Variants in SEMA4C observed in about 807,000 individuals in gnomAD.
SEMA4C encodes semaphorin-4C.
In SEMA4C, 19 loss-of-function variants were observed where a neutral mutation model predicts 89.0. The ratio of observed to expected loss-of-function variants is 0.21; its 90% CI spans 0.15 to 0.31. The LOEUF is 0.31. Ranked by LOEUF, SEMA4C falls within the 10% of genes least tolerant of loss-of-function variation. The pLI is 1.00. For missense variants in SEMA4C, 811 were observed against 1,107.0 expected (o/e 0.73, Z 3.79); for synonymous variants, 428 against 472.7 (o/e 0.91, Z 1.23).
In SEMA4C at chr2:96,860,857, C is replaced by T. The variant is rs754394096; in HGVS notation, c.2271G>A (p.Gly757=). The change falls in exon 15 of 15, where the codon GGG becomes GGA. Residue 757 remains glycine (G), a synonymous_variant. Coordinates refer to ENST00000305476, the MANE Select transcript of SEMA4C (RefSeq NM_017789.5). ...GGATGCCTGGAGGTGGCGAAGGGGG[C>T]CCCCCACCGGGCTGGCACCGGGCAT... ...PGHARCQPGG[G]PPSPPPGIPG... is the part of the protein sequence containing the mutation. 42 of 1,612,798 alleles carry T rather than the reference C, an allele frequency of 2.6e-5. No homozygotes were observed. In the Middle Eastern group the frequency reaches 4.9e-4, roughly 19 times the overall value.
intron 1 of SEMA4C, chr2:96,869,287 A>C: frequency 1.0e-6 from 1 of 985,256 alleles, no homozygotes; most frequent in Non-Finnish European, 1.2e-6. Context: ...GGCAGCCGGG[A>C]GGAGGGGTTG....
chr2:96,869,625 C>T, intron 1 of SEMA4C: 3 of 985,242 alleles, frequency 3.0e-6, no homozygotes, highest in Non-Finnish European at 3.6e-6. Flanking sequence ...GCGAGGAACC[C>T]TCGCTGGCGC....
intron 1 of SEMA4C, chr2:96,869,213 G>T: frequency 1.0e-6 from 1 of 985,366 alleles, no homozygotes; most frequent in Non-Finnish European, 1.2e-6. Context: ...ACCCCGTGGC[G>T]TGCTCCGAGG....
chr2:96,860,756 C>T lies in SEMA4C; in HGVS notation c.2372G>A (p.Arg791His), dbSNP rs1476985516. The change falls in exon 15 of 15, where the codon CGC becomes CAC. Residue 791 changes from arginine to histidine, a missense_variant. Transcript: ENST00000305476. ...GRNSNANGYV[R>H]LQLGGEDRGG... ...CCGGTCCTCCCCTCCTAGTTGTAAG[C>T]GCACGTAACCATTGGCATTTGAGTT... 1.2e-5 allele frequency: 20 copies of T among 1,613,896 alleles called. No homozygotes were observed. The highest frequency in any genetic ancestry group is 1.7e-5 in the Non-Finnish European group (20 of 1,180,000).
Position 96,867,769 on chromosome 2 carries a change from G to GGCACTCACCCCCA in SEMA4C, c.105_109+8dup. The GGCACTCACCCCCA allele has an allele frequency of 6.2e-7, 1 of 1,612,690 alleles. No homozygotes were observed. Among genetic ancestry groups the GGCACTCACCCCCA allele is most frequent in the Non-Finnish European group, 8.5e-7 (1 of 1,179,234 alleles). Reference sequence around the variant, plus strand: ...CCCTGACTTCCTCCTCACCCCTCCAGGCACTCACCCCCAGAAGACACTGTC... The same window carrying GGCACTCACCCCCA: ...CCCTGACTTCCTCCTCACCCCTCCAGGCACTCACCCCCAGCACTCACCCCCAGAAGACACTGTC... On this transcript the variant is annotated intron_variant, in intron 2 of 14. Coordinates refer to ENST00000305476, the MANE Select transcript of SEMA4C (RefSeq NM_017789.5).
At position 96,860,402 on chromosome 2, in the gene SEMA4C, C is replaced by G. The variant is rs1227775451; in HGVS notation, c.*224G>C. On this transcript the variant is annotated 3_prime_UTR_variant, in exon 15 of 15. Coordinates refer to ENST00000305476, the MANE Select transcript of SEMA4C (RefSeq NM_017789.5). ...TGGGGTCCCGCGTGTCTGTGATTCA[C>G]AGAGAGGAGGAAGATGCCTTCTGCG... The G allele has an allele frequency of 5.7e-6, 3 of 524,850 alleles. No homozygotes were observed. The highest frequency in any genetic ancestry group is 6.1e-5 in the East Asian group (2 of 33,048). The allele number at this position is 524,850 out of a possible 1,614,324, so 32.5% of individuals were successfully genotyped here. A position where few individuals can be genotyped will look rare whatever the true frequency, so the allele number is the denominator to read the frequency against.
At chr2:96,867,754 C>T (rs776691070) in intron 2 of SEMA4C, 24 bp downstream of exon 2, 3 of 1,608,762 alleles carry the variant, frequency 1.9e-6, no homozygotes, top group Non-Finnish European at 1.7e-6. Flanking sequence ...CCCTGACTTC[C>T]TCCTCACCCC....
upstream of SEMA4C, chr2:96,870,429 G>A: frequency 1.1e-6 from 1 of 888,146 alleles, no homozygotes; most frequent in Non-Finnish European, 1.3e-6. Context: ...GGGCTGGGGA[G>A]AGGGACTCCC....
intron 1 of SEMA4C, chr2:96,869,469 G>A: frequency 1.0e-6 from 1 of 983,086 alleles, no homozygotes. Context: ...CAGCGGAATG[G>A]GCGGGCGGGC....
At chr2:96,866,161 C>T in intron 3 of SEMA4C, 122 bp downstream of exon 3, 1 of 1,382,572 alleles carries the variant, frequency 7.2e-7, no homozygotes, top group East Asian at 2.3e-5. Flanking sequence ...GAGGGCAGGC[C>T]CCGGATGCCC....
Position 96,864,732 on chromosome 2 carries a change from G to A in SEMA4C, c.935C>T (p.Thr312Ile). 6.2e-7 allele frequency: 1 copy of A among 1,612,396 alleles called. No homozygotes were observed. Among genetic ancestry groups the A allele is most frequent in the Non-Finnish European group, 8.5e-7 (1 of 1,178,856 alleles). Residue 312 changes from threonine (T) to isoleucine (I), a missense_variant, in exon 9 of 15, where the codon ACC becomes ATC. Physicochemically the swap from Thr to Ile is moderately conservative, Grantham distance 89. Around this residue, in one of 4 missense-constraint regions of SEMA4C, gnomAD observed 441 missense variants for 664.9 expected, o/e 0.66. Transcript: ENST00000305476. This position sits in a 1 kb window ranked among gnomAD's most constrained non-coding sequence, Gnocchi z 6.3. Reference protein sequence around the residue: ...TLQDTSWHNTTFFGVFQAQWG... With the variant: ...TLQDTSWHNTIFFGVFQAQWG... ...CTGTGCTTGAAAAACCCCAAAGAAG[G>A]TGGTGTTGTGCCAGGAGGTGTCCTG...
chr2:96,869,287 AGGAGGGGTTGGGG>A (rs937184885), intron 1 of SEMA4C: 2 of 985,148 alleles, frequency 2.0e-6, no homozygotes, highest in African/African-American at 3.5e-5. Context: ...GGCAGCCGGG[AGGAGGGGTTGGGG>A]GGAGGGGTGC....
Position 96,861,070 on chromosome 2 carries a change from C to T in SEMA4C, c.2058G>A (p.Leu686=). The T allele has an allele frequency of 6.2e-7, 1 of 1,612,812 alleles. No homozygotes were observed. Among genetic ancestry groups the T allele is most frequent in the Non-Finnish European group, 8.5e-7 (1 of 1,179,988 alleles). The change falls in exon 15 of 15, where the codon TTG becomes TTA. Residue 686 remains leucine, a synonymous_variant. Coordinates refer to ENST00000305476, the MANE Select transcript of SEMA4C (RefSeq NM_017789.5). This position sits in a 1 kb window ranked among gnomAD's most constrained non-coding sequence, Gnocchi z 7.8. The part of the protein sequence containing the change: ...CLVLLLLVLS[L]RRRLREELEK... ...CCAGCTCTTCCCGCAGCCGCCGGCG[C>T]AATGACAGCACCAGCAGCAGCAGCA...
chr2:96,867,744 C>T (rs1435179624), intron 2 of SEMA4C, 34 bp downstream of exon 2: 3 of 1,599,392 alleles, frequency 1.9e-6, no homozygotes, highest in Non-Finnish European at 2.6e-6. Flanking sequence ...AGCAGCCTGT[C>T]CCTGACTTCC....
At chr2:96,862,120 C>A (rs1347138705) in intron 12 of SEMA4C, 1 of 547,730 alleles carries the variant, frequency 1.8e-6, no homozygotes, top group African/African-American at 1.9e-5. Context: ...AATCCTAAGC[C>A]CCTTATCGAC....
chr2:96,860,619 G>A lies in SEMA4C; in HGVS notation c.*7C>T. The A allele has an allele frequency of 1.9e-6, 3 of 1,586,882 alleles. No individual in the cohort carries two copies. The highest frequency in any genetic ancestry group is 2.6e-6 in the Non-Finnish European group (3 of 1,164,134). ...CACGCTTCCCGCCGACGCGGTGGGG[G>A]TTCCCCTCATACTGATGACTCCTCG... On this transcript the variant is annotated 3_prime_UTR_variant, in exon 15 of 15. Transcript: ENST00000305476.
Position 96,861,307 on chromosome 2 carries a change from G to A in SEMA4C, c.1821C>T (p.Ala607=), listed in dbSNP as rs2153361799. The change falls in exon 15 of 15, where the codon GCC becomes GCT. Residue 607 remains alanine (A), a synonymous_variant. Coordinates refer to ENST00000305476, the MANE Select transcript of SEMA4C (RefSeq NM_017789.5). This position sits in a 1 kb window ranked among gnomAD's most constrained non-coding sequence, Gnocchi z 7.8. ...AEQPGSFLYD[A]RLQALVVMAA... ...CCATCACAACCAGGGCCTGGAGCCG[G>A]GCATCGTAGAGGAAGGACCCGGGCT... 2 of 1,607,644 alleles carry A rather than the reference G, an allele frequency of 1.2e-6. 1 individual carries two copies. Among genetic ancestry groups the A allele is most frequent in the Middle Eastern group, 3.3e-4 (2 of 6,058 alleles).
chr2:96,869,402 G>A (rs1186876168), intron 1 of SEMA4C: 2 of 985,110 alleles, frequency 2.0e-6, no homozygotes, highest in Non-Finnish European at 2.4e-6. Context: ...CTCCAGCCGG[G>A]GACGGCGCGG....
chr2:96,860,613 G>T lies in SEMA4C; in HGVS notation c.*13C>A, dbSNP rs1450729394. 1.3e-6 allele frequency: 2 copies of T among 1,580,522 alleles called. No individual in the cohort carries two copies. The highest frequency in any genetic ancestry group is 1.8e-5 in the Admixed American group (1 of 55,478). ...ACCTCCCACGCTTCCCGCCGACGCG[G>T]TGGGGGTTCCCCTCATACTGATGAC... On this transcript the variant is annotated 3_prime_UTR_variant, in exon 15 of 15. Transcript: ENST00000305476.
Sources: gnomAD v4.1 joint callset for allele counts on GRCh38, gnomAD v4.1.1 for gene constraint, gnomAD v4.1.1 regional missense constraint, Gnocchi (gnomAD v3.1) non-coding constraint, MANE v1.5 for transcripts, NCBI Gene and HGNC (gene_info 2026-07-23, HGNC 2026-07-21) for gene names.